CHM: variants seen among roughly 807,000 people sequenced by gnomAD.
The protein encoded by CHM is CHM Rab escort protein, also known as rab proteins geranylgeranyltransferase component A 1.
Under a neutral mutation model 49.0 loss-of-function variants are expected in CHM, and 10 were observed. The observed-to-expected ratio is 0.20, with a 90% confidence interval of 0.13 to 0.35. The LOEUF (loss-of-function observed/expected upper bound fraction) is 0.35. CHM is among the 10% of genes least tolerant of loss of function. The pLI is 1.00. For missense variants in CHM, 455 were observed against 478.4 expected, an observed-to-expected ratio of 0.95 and a Z score of 0.46; for synonymous variants, 184 against 167.5, an observed-to-expected ratio of 1.10 and a Z score of -0.76.
At chrX:85,983,201 C>G (rs752209390) in intron 2 of CHM, among the ~76,000 whole-genome samples, 1 of 110,709 alleles carries the variant, frequency 9.0e-6, no homozygotes, top group African/African-American at 3.3e-5. Flanking sequence ...TAGATCATAT[C>G]GTACTTACAT....
intron 13 of CHM, among the ~76,000 whole-genome samples, chrX:85,873,808 T>G (rs1471495033): frequency 8.9e-6 from 1 of 111,892 alleles, no homozygotes; most frequent in Non-Finnish European, 1.9e-5. Flanking sequence ...TCAATAAAGT[T>G]ATTATTAAAA....
At chrX:86,034,732 A>G (rs1486516725) in intron 1 of CHM, among the ~76,000 whole-genome samples, 1 of 111,661 alleles carries the variant, frequency 9.0e-6, no homozygotes, top group Non-Finnish European at 1.9e-5. Context: ...GTGAGCCGAG[A>G]TCACGCCATT....
chrX:85,903,781 GA>G, intron 9 of CHM: 1 of 336,019 alleles, frequency 3.0e-6, no homozygotes. Flanking sequence ...GCTAGGTGGA[GA>G]AAAATCAAGG....
intron 2 of CHM, among the ~76,000 whole-genome samples, chrX:86,021,849 A>G (rs1933616043): frequency 8.9e-6 from 1 of 112,024 alleles, no homozygotes; most frequent in Admixed American, 9.5e-5. Context: ...CTAGAAAGGA[A>G]GGAAATCCTG....
chrX:85,934,353 G>T (rs1928642902), intron 8 of CHM, among the ~76,000 whole-genome samples: 1 of 94,477 alleles, frequency 1.1e-5, no homozygotes, highest in Non-Finnish European at 2.1e-5. Context: ...GTATACATGT[G>T]CCATGGTGGT....
chrX:85,894,683 T>TAC (rs1925706134), intron 11 of CHM, among the ~76,000 whole-genome samples: 2 of 111,495 alleles, frequency 1.8e-5, no homozygotes, highest in South Asian at 7.5e-4. Context: ...ATTCAACTAG[T>TAC]ACACTCCAAA....
intron 8 of CHM, among the ~76,000 whole-genome samples, chrX:85,924,814 T>A (rs1381202847): frequency 1.8e-5 from 2 of 111,607 alleles, no homozygotes; most frequent in African/African-American, 3.3e-5. Flanking sequence ...GGAACTGCTG[T>A]CAATCTTGGA....
intron 2 of CHM, among the ~76,000 whole-genome samples, chrX:86,009,589 T>A (rs941567397): frequency 8.9e-6 from 1 of 112,655 alleles, no homozygotes; most frequent in African/African-American, 3.2e-5. Context: ...TTGCATCTTA[T>A]TCCACTGTAT....
chrX:86,039,858 G>GT (rs1208299450), intron 1 of CHM, among the ~76,000 whole-genome samples: 1 of 111,427 alleles, frequency 9.0e-6, no homozygotes, highest in East Asian at 2.8e-4. Context: ...CCTTGACAGC[G>GT]TAACTTCGAA....
At chrX:85,900,525 GTAACTATGTA>G in intron 11 of CHM, 111 bp downstream of exon 11, 1 of 504,070 alleles carries the variant, frequency 2.0e-6, no homozygotes, top group Non-Finnish European at 3.5e-6. Context: ...ACAAAAAAAG[GTAACTATGTA>G]AAGACATATG....
intron 4 of CHM, among the ~76,000 whole-genome samples, chrX:85,977,611 C>T (rs1931346983): frequency 1.8e-5 from 2 of 112,204 alleles, no homozygotes; most frequent in African/African-American, 3.2e-5. Context: ...CATGGGCACA[C>T]AAAAGCACGT....
chrX:86,021,291 T>A lies in CHM; in HGVS notation c.116+6200A>T, dbSNP rs748507136. On this transcript the variant is annotated intron_variant, in intron 2 of 14. Coordinates refer to ENST00000357749, the MANE Select transcript of CHM (RefSeq NM_000390.4). ...TAAGAGTAGTAGATGCTAACATTACTGAGGGCTTACTATGAAGCACTGTTA... is the reference window on the plus strand; with the variant it reads ...TAAGAGTAGTAGATGCTAACATTACAGAGGGCTTACTATGAAGCACTGTTA... 7.6e-5 allele frequency among the ~76,000 whole-genome samples: 8 copies of A among 105,859 alleles called. No homozygotes were observed. The South Asian group carries it at 3.4e-3, about 45-fold the overall frequency. 91.9% of individuals were successfully genotyped at this position (105,859 alleles called of 115,157 possible). A position where few individuals can be genotyped will look rare whatever the true frequency, so the allele number is the denominator to read the frequency against.
chrX:85,911,140 T>TAC (rs1556276440), intron 9 of CHM, 121 bp downstream of exon 9: 1 of 876 alleles, frequency 1.1e-3, no homozygotes, highest in Non-Finnish European at 4.6e-3. Context: ...TATATATATA[T>TAC]ATATATATAT....
intron 12 of CHM, among the ~76,000 whole-genome samples, chrX:85,887,301 G>A (rs1264411475): frequency 9.0e-6 from 1 of 110,896 alleles, no homozygotes; most frequent in Non-Finnish European, 1.9e-5. Context: ...GAGATCTGAT[G>A]GTTTTACAAG....
At chrX:85,946,391 C>T (rs960649748) in intron 8 of CHM, among the ~76,000 whole-genome samples, 8 of 110,177 alleles carry the variant, frequency 7.3e-5, no homozygotes, top group Middle Eastern at 4.8e-3. Flanking sequence ...GAAATGGTTT[C>T]GGGAGCCAGG....
chrX:85,915,656 T>C (rs2148176821), intron 8 of CHM, among the ~76,000 whole-genome samples: 1 of 111,694 alleles, frequency 9.0e-6, no homozygotes, highest in East Asian at 2.8e-4. Context: ...CACCAACAAC[T>C]GTCAAGCTGA....
intron 2 of CHM, among the ~76,000 whole-genome samples, chrX:85,998,886 A>G (rs778609390): frequency 1.8e-5 from 2 of 111,950 alleles, no homozygotes; most frequent in Non-Finnish European, 3.8e-5. Flanking sequence ...GATGACATGT[A>G]TATCTTACAT....
At chrX:85,890,605 G>A (rs980569502) in intron 12 of CHM, among the ~76,000 whole-genome samples, 17 of 111,963 alleles carry the variant, frequency 1.5e-4, no homozygotes, top group African/African-American at 5.5e-4. Context: ...CTGCTGCCAC[G>A]TAAGAAGTGC....
intron 4 of CHM, chrX:85,969,976 G>C (rs770717161): frequency 1.2e-4 from 13 of 111,476 alleles, no homozygotes; most frequent in Non-Finnish European, 2.3e-4. Context: ...TTGGTCAATG[G>C]GTATAATGTT....
Sources: gnomAD v4.1 joint callset for allele counts (sites outside exome capture counted in the v4.1 genomes callset) on GRCh38, gnomAD v4.1.1 for gene constraint, MANE v1.5 for transcripts, NCBI Gene and HGNC (gene_info 2026-07-23, HGNC 2026-07-21) for gene names.